Variants in DYRK2 observed in about 807,000 individuals in gnomAD.
The protein encoded by DYRK2 is dual specificity tyrosine phosphorylation regulated kinase 2.
A neutral mutation model predicts 41.6 loss-of-function variants in DYRK2; 12 were observed. That is an observed-to-expected ratio of 0.29 (90% CI 0.18 to 0.47). DYRK2 has a LOEUF of 0.47. Among genes scored for constraint, DYRK2 ranks in the 20% least tolerant of loss-of-function variants. The pLI is 1.00. For synonymous variants in DYRK2, 322 were observed against 315.7 expected (o/e 1.02, Z -0.21); for missense variants, 678 against 798.4 (o/e 0.85, Z 1.82).
At chr12:67,649,723 G>A in intron 1 of DYRK2, 74 bp from the exon 2 acceptor site, 6 of 1,281,678 alleles carry the variant, frequency 4.7e-6, no homozygotes, top group Non-Finnish European at 5.9e-6. Context: ...GCTGCCCAGC[G>A]GGGTTGGAGG....
chr12:67,649,581 C>T, intron 1 of DYRK2: 3 of 523,212 alleles, frequency 5.7e-6, no homozygotes, highest in Non-Finnish European at 8.7e-6. Flanking sequence ...CGCGAACTCG[C>T]GCGCCAGGGC....
At chr12:67,653,968 A>G (rs1415776160) in intron 2 of DYRK2, among the ~76,000 whole-genome samples, 2 of 152,192 alleles carry the variant, frequency 1.3e-5, no homozygotes, top group Non-Finnish European at 2.9e-5. Context: ...GACAATAATA[A>G]TGCTCTCATT....
At chr12:67,656,982 T>C (rs1006003931) in intron 2 of DYRK2, 124 bp from the exon 3 acceptor site, 107 of 1,056,828 alleles carry the variant, frequency 1.0e-4, no homozygotes, top group Non-Finnish European at 1.4e-4. Flanking sequence ...TTGTGGCTTT[T>C]ACTCAAACCA....
In DYRK2 at chr12:67,662,466, T is replaced by TA. The variant is rs1176601572; in HGVS notation, c.*3758dup. 6.0e-6 allele frequency: 1 copy of TA among 166,814 alleles called. No homozygotes were observed. The highest frequency in any genetic ancestry group is 1.9e-4 in the East Asian group (1 of 5,196). The allele number at this position is 166,814 out of a possible 1,614,324, so 10.3% of individuals were successfully genotyped here. A position where few individuals can be genotyped will look rare whatever the true frequency, so the allele number is the denominator to read the frequency against. ...AATGTGGACTGTGTATATATGTATG[T>TA]AAAAATTTCTGTGAGATGCTGCTGT... On this transcript the variant is annotated 3_prime_UTR_variant, in exon 3 of 3. Transcript: ENST00000344096.
Position 67,658,752 on chromosome 12 carries a change from C to T in DYRK2, c.*39C>T, listed in dbSNP as rs767318357. 2 of 1,559,070 alleles carry T rather than the reference C, an allele frequency of 1.3e-6. No individual in the cohort carries two copies. The highest frequency in any genetic ancestry group is 1.4e-5 in the African/African-American group (1 of 73,470). On this transcript the variant is annotated 3_prime_UTR_variant, in exon 3 of 3. Coordinates refer to ENST00000344096, the MANE Select transcript of DYRK2 (RefSeq NM_006482.3). This position sits in a 1 kb window ranked among gnomAD's most constrained non-coding sequence, Gnocchi z 4.3. ...GATGCTGGTAACCTGAAAGATACGA[C>T]ATTGCTGAGCCTTACTGGGTTGAAA...
At position 67,661,030 on chromosome 12, in the gene DYRK2, ATCTT is replaced by A. The variant is rs1406795079; in HGVS notation, c.*2319_*2322del. On this transcript the variant is annotated 3_prime_UTR_variant, in exon 3 of 3. Transcript: ENST00000344096. ...AGATGCCAGCAATGAATTTGAGACT[ATCTT>A]TATTTATAAATGGAAACCGGAAACT... is the stretch of plus-strand genomic sequence containing the variant. The A allele has an allele frequency of 6.0e-6, 1 of 166,624 alleles. No individual in the cohort carries two copies. Among genetic ancestry groups the A allele is most frequent in the South Asian group, 2.1e-4 (1 of 4,820 alleles). 10.3% of individuals were successfully genotyped at this position (166,624 alleles called of 1,614,324 possible).
At chr12:67,651,425 C>A in intron 2 of DYRK2, 1 of 342,092 alleles carries the variant, frequency 2.9e-6, no homozygotes, top group Admixed American at 4.2e-5. Flanking sequence ...ATGGGCTTTG[C>A]TTGATCAGAG....
intron 2 of DYRK2, 110 bp downstream of exon 2, chr12:67,650,055 AG>A: frequency 8.7e-7 from 1 of 1,144,028 alleles, no homozygotes; most frequent in Non-Finnish European, 1.1e-6. Flanking sequence ...TCGAGATACA[AG>A]CAGCCCCACG....
chr12:67,655,393 G>A (rs914889364), intron 2 of DYRK2, among the ~76,000 whole-genome samples: 2 of 152,180 alleles, frequency 1.3e-5, no homozygotes, highest in Non-Finnish European at 2.9e-5. Flanking sequence ...TGCAGAGAGC[G>A]AGGCTGGGGA....
chr12:67,652,996 A>AT (rs538431655), intron 2 of DYRK2, among the ~76,000 whole-genome samples: 10 of 151,478 alleles, frequency 6.6e-5, no homozygotes, highest in African/African-American at 2.2e-4. Flanking sequence ...TGCCTGGCTA[A>AT]TTTTTGTATT....
chr12:67,653,732 A>C (rs1872390262), intron 2 of DYRK2, among the ~76,000 whole-genome samples: 1 of 152,158 alleles, frequency 6.6e-6, no homozygotes, highest in African/African-American at 2.4e-5. Context: ...AACAAGGAGG[A>C]TCTATTGGCA....
In DYRK2 at chr12:67,661,095, G is replaced by T; in HGVS notation, c.*2382G>T. ...ACTATAATAATGTGCAGCACTGTAG[G>T]GCTTTTTTTTTTTTCCCTCCAAATA... On this transcript the variant is annotated 3_prime_UTR_variant, in exon 3 of 3. Coordinates refer to ENST00000344096, the MANE Select transcript of DYRK2 (RefSeq NM_006482.3). 1 of 165,420 alleles carries T rather than the reference G, an allele frequency of 6.0e-6. No individual in the cohort carries two copies. The allele number at this position is 165,420 out of a possible 1,614,324, so 10.2% of individuals were successfully genotyped here. A position where few individuals can be genotyped will look rare whatever the true frequency, so the allele number is the denominator to read the frequency against.
At position 67,657,717 on chromosome 12, in the gene DYRK2, G is replaced by A. The variant is rs1485214040; in HGVS notation, c.810G>A (p.Leu270=). 6.2e-7 allele frequency: 1 copy of A among 1,614,022 alleles called. No individual in the cohort carries two copies. The highest frequency in any genetic ancestry group is 1.3e-5 in the African/African-American group (1 of 74,920). Residue 270 remains leucine, a synonymous_variant, in exon 3 of 3, where the codon CTG becomes CTA. Coordinates refer to ENST00000344096, the MANE Select transcript of DYRK2 (RefSeq NM_006482.3). This position sits in a 1 kb window ranked among gnomAD's most constrained non-coding sequence, Gnocchi z 4.8. ...AAGCAGCGGAGGAGATCCGAATCCT[G>A]GAACACCTGCGGAAGCAGGACAAGG... The part of the protein sequence containing the change: ...HRQAAEEIRI[L]EHLRKQDKDN...
rs867783806 is a variant in DYRK2 at position 67,665,072 on chromosome 12, T to C, written c.*6359T>C. The C allele has an allele frequency of 6.6e-6, 1 of 152,142 alleles. No homozygotes were observed. Among genetic ancestry groups the C allele is most frequent in the African/African-American group, 2.4e-5 (1 of 41,442 alleles). 9.4% of individuals were successfully genotyped at this position (152,142 alleles called of 1,614,324 possible). A position where few individuals can be genotyped will look rare whatever the true frequency, so the allele number is the denominator to read the frequency against. On this transcript the variant is annotated 3_prime_UTR_variant, in exon 3 of 3. Coordinates refer to ENST00000344096, the MANE Select transcript of DYRK2 (RefSeq NM_006482.3). ...CTTTGCCTCCATATTTAAGAAAATATAGAATGCCTGCCAGGGAAATATATA... is the reference window on the plus strand; with the variant it reads ...CTTTGCCTCCATATTTAAGAAAATACAGAATGCCTGCCAGGGAAATATATA...
chr12:67,656,614 A>G (rs1872476539), intron 2 of DYRK2, among the ~76,000 whole-genome samples: 1 of 152,158 alleles, frequency 6.6e-6, no homozygotes, highest in African/African-American at 2.4e-5. Flanking sequence ...CTGGTGATGA[A>G]GTGTTTTCAG....
chr12:67,649,790 C>T lies in DYRK2; in HGVS notation c.50-7C>T, dbSNP rs567951314. On this transcript the variant is annotated splice_region_variant and splice_polypyrimidine_tract_variant and intron_variant, in intron 1 of 2. Transcript: ENST00000344096. ...CTCTTTTGTCTCCTCCCGCACGTGG[C>T]TTCCAGGCCGAGGTGGGGACAGCGC... 10 of 1,314,642 alleles carry T rather than the reference C, an allele frequency of 7.6e-6. No homozygotes were observed. In the East Asian group the frequency reaches 1.7e-4, roughly 22 times the overall value. 81.4% of individuals were successfully genotyped at this position (1,314,642 alleles called of 1,614,324 possible). A position where few individuals can be genotyped will look rare whatever the true frequency, so the allele number is the denominator to read the frequency against.
rs533472701 is a variant in DYRK2 at position 67,649,097 on chromosome 12, A to ACGG, written c.-35_-33dup. On this transcript the variant is annotated 5_prime_UTR_variant, in exon 1 of 3. Coordinates refer to ENST00000344096, the MANE Select transcript of DYRK2 (RefSeq NM_006482.3). ...AGTAGCAGCAGGACCGGCGGCGGCG[A>ACGG]CGGCAGCCCTGAAATGCATTTTCCT... 2,624 of 1,468,008 alleles carry ACGG rather than the reference A, an allele frequency of 1.8e-3. 48 individuals are homozygous for ACGG. In the African/African-American group the frequency reaches 0.034, roughly 19 times the overall value. 90.9% of individuals were successfully genotyped at this position (1,468,008 alleles called of 1,614,324 possible).
rs777922597 is a variant in DYRK2 at position 67,658,719 on chromosome 12, C to T, written c.*6C>T. 2.1e-5 allele frequency: 33 copies of T among 1,591,720 alleles called. No homozygotes were observed. Among genetic ancestry groups the T allele is most frequent in the Non-Finnish European group, 2.6e-5 (30 of 1,168,778 alleles). On this transcript the variant is annotated 3_prime_UTR_variant, in exon 3 of 3. Transcript: ENST00000344096. This position sits in a 1 kb window ranked among gnomAD's most constrained non-coding sequence, Gnocchi z 4.3. ...TGCCAAAACTTGTTAGCTGAGCTCA[C>T]GTCCCCTGATGCTGGTAACCTGAAA... is the stretch of plus-strand genomic sequence containing the variant.
chr12:67,650,300 C>T (rs966427514), intron 2 of DYRK2, among the ~76,000 whole-genome samples: 5 of 152,200 alleles, frequency 3.3e-5, no homozygotes, highest in African/African-American at 1.2e-4. Flanking sequence ...CTGTCCTTCC[C>T]CCACCTCCCC....
Sources: allele counts gnomAD v4.1 joint callset (sites outside exome capture counted in the v4.1 genomes callset), GRCh38; gene constraint gnomAD v4.1.1; non-coding constraint Gnocchi (gnomAD v3.1); transcripts MANE v1.5; gene names NCBI Gene and HGNC (gene_info 2026-07-23, HGNC 2026-07-21).